Variants in ACTR3C observed in about 807,000 individuals in gnomAD.
ACTR3C encodes the protein actin related protein 3C.
A neutral mutation model predicts 26.3 loss-of-function variants in ACTR3C; 18 were observed. That is an observed-to-expected ratio of 0.68 (90% confidence interval 0.47 to 1.01). The LOEUF is 1.01. Among genes scored for constraint, ACTR3C ranks in the 50% least tolerant of loss-of-function variants. The pLI is 0.00. For synonymous variants in ACTR3C, 55 were observed against 94.5 expected (o/e 0.58, Z 2.42); for missense variants, 184 against 250.7 (o/e 0.73, Z 1.80).
the ACTR3C span, among the ~76,000 whole-genome samples, chr7:150,193,290 T>A: frequency 6.6e-6 from 1 of 152,154 alleles, no homozygotes; most frequent in Non-Finnish European, 1.5e-5. Flanking sequence ...TTTTATATTT[T>A]AAATTTATGT....
At chr7:150,166,453 C>T in the ACTR3C span, among the ~76,000 whole-genome samples, 9 of 150,964 alleles carry the variant, frequency 6.0e-5, no homozygotes, top group African/African-American at 2.0e-4. Flanking sequence ...AATCCCAGCA[C>T]TTTGGGAGGC....
At chr7:150,092,693 A>G in the ACTR3C span, among the ~76,000 whole-genome samples, 3 of 150,324 alleles carry the variant, frequency 2.0e-5, no homozygotes, top group South Asian at 6.3e-4. Context: ...CACTGCCCAC[A>G]CTCCGTTGCA....
chr7:150,266,232 A>T (rs1223781714), intron 6 of ACTR3C, among the ~76,000 whole-genome samples: 1 of 146,234 alleles, frequency 6.8e-6, no homozygotes, highest in East Asian at 1.9e-4. Context: ...GCATTATATA[A>T]ATTCATTTCT....
At position 150,323,122 on chromosome 7, in the gene ACTR3C, C is replaced by G. The variant is rs536203607; in HGVS notation, c.-52+347G>C. ...GGAGGTCCTTTCTCTAAGGCCGCAC[C>G]GATAAACGATTACCGACTGTTGACC... On this transcript the variant is annotated intron_variant, in intron 1 of 7. Transcript: ENST00000683684. 5.8e-5 allele frequency: 11 copies of G among 189,520 alleles called. No individual in the cohort carries two copies. In the South Asian group the frequency reaches 8.0e-4, roughly 14 times the overall value. The allele number at this position is 189,520 out of a possible 1,614,324, so 11.7% of individuals were successfully genotyped here.
chr7:150,262,499 G>C (rs1451645374), intron 6 of ACTR3C, among the ~76,000 whole-genome samples: 4 of 152,232 alleles, frequency 2.6e-5, no homozygotes, highest in Non-Finnish European at 4.4e-5. Context: ...CAGTGACATT[G>C]TCCTCCCCTT....
chr7:150,265,974 T>C (rs1468431006), intron 6 of ACTR3C, among the ~76,000 whole-genome samples: 3 of 152,024 alleles, frequency 2.0e-5, no homozygotes, highest in Non-Finnish European at 4.4e-5. Context: ...GCCAACTTCA[T>C]AAACTTAACA....
the ACTR3C span, among the ~76,000 whole-genome samples, chr7:149,906,500 C>T: frequency 6.8e-5 from 9 of 133,186 alleles, no homozygotes; most frequent in South Asian, 1.1e-3. Flanking sequence ...GGTGCAATTT[C>T]GGCTCACTGC....
At chr7:150,201,422 C>T in the ACTR3C span, among the ~76,000 whole-genome samples, 2 of 152,134 alleles carry the variant, frequency 1.3e-5, no homozygotes, top group Non-Finnish European at 2.9e-5. Context: ...CAATGTTTCC[C>T]ACAATATGTA....
intron 6 of ACTR3C, among the ~76,000 whole-genome samples, chr7:150,253,476 T>G (rs1276701667): frequency 6.6e-6 from 1 of 152,168 alleles, no homozygotes; most frequent in East Asian, 1.9e-4. Flanking sequence ...TTAATACCTT[T>G]AATCTGATTG....
At chr7:150,094,382 A>C in the ACTR3C span, among the ~76,000 whole-genome samples, 1 of 149,530 alleles carries the variant, frequency 6.7e-6, no homozygotes, top group Non-Finnish European at 1.5e-5. Flanking sequence ...CATAATAAAA[A>C]CCTTGAACCC....
intron 1 of ACTR3C, among the ~76,000 whole-genome samples, chr7:150,305,262 A>G (rs1297588724): frequency 5.9e-5 from 9 of 152,160 alleles, no homozygotes; most frequent in Admixed American, 2.6e-4. Flanking sequence ...TTGACTATAC[A>G]TATCTCCTTA....
chr7:150,199,725 C>CAAAAAAAAAAAAAAAAAA, the ACTR3C span, among the ~76,000 whole-genome samples: 1 of 86,086 alleles, frequency 1.2e-5, no homozygotes, highest in Non-Finnish European at 2.1e-5. Flanking sequence ...ATATTTTTAT[C>CAAAAAAAAAAAAAAAAAA]AAAAAAAAAA....
the ACTR3C span, among the ~76,000 whole-genome samples, chr7:150,015,414 TTAAAG>T: frequency 2.8e-4 from 42 of 152,166 alleles, no homozygotes; most frequent in Non-Finnish European, 5.4e-4. Context: ...AGTAATGACC[TTAAAG>T]TAAACATCCA....
At chr7:150,322,089 G>A (rs762387088) in intron 1 of ACTR3C, among the ~76,000 whole-genome samples, 2 of 152,196 alleles carry the variant, frequency 1.3e-5, no homozygotes, top group Admixed American at 6.5e-5. Context: ...TGACTTCTTC[G>A]GCTCCCACAC....
chr7:150,248,570 A>T (rs1374240597), intron 7 of ACTR3C: 1 of 152,658 alleles, frequency 6.6e-6, no homozygotes, highest in African/African-American at 2.4e-5. Context: ...CTGTGGCAGG[A>T]GAATCGATTG....
chr7:150,266,589 A>G (rs2129610528), intron 6 of ACTR3C, among the ~76,000 whole-genome samples: 1 of 152,364 alleles, frequency 6.6e-6, no homozygotes, highest in Non-Finnish European at 1.5e-5. Flanking sequence ...ATGGGGTTCC[A>G]TACATTTCTG....
the ACTR3C span, among the ~76,000 whole-genome samples, chr7:149,989,270 C>A: frequency 7.2e-5 from 11 of 152,302 alleles, no homozygotes; most frequent in East Asian, 1.9e-3. Context: ...ACATATATAT[C>A]ACCTCACAGA....
chr7:150,012,353 C>T, the ACTR3C span, among the ~76,000 whole-genome samples: 4 of 135,032 alleles, frequency 3.0e-5, no homozygotes, highest in African/African-American at 5.7e-5. Context: ...CTCGCTCTGT[C>T]GCCCAGGCTG....
the ACTR3C span, among the ~76,000 whole-genome samples, chr7:150,014,182 A>G: frequency 1.3e-5 from 2 of 152,248 alleles, no homozygotes; most frequent in South Asian, 2.1e-4. Flanking sequence ...TAGGCCGGGC[A>G]CGGTGGCTCA....
Sources: allele counts gnomAD v4.1 joint callset (sites outside exome capture counted in the v4.1 genomes callset), GRCh38; gene constraint gnomAD v4.1.1; transcripts MANE v1.5; gene names NCBI Gene and HGNC (gene_info 2026-07-23, HGNC 2026-07-21).